APPL1: variants seen among roughly 807,000 people sequenced by gnomAD.
The protein encoded by APPL1 is adaptor protein, phosphotyrosine interacting with PH domain and leucine zipper 1.
In APPL1, 42 loss-of-function variants were observed where a neutral mutation model predicts 106.8. The ratio of observed to expected loss-of-function variants is 0.39; its 90% CI spans 0.31 to 0.51. APPL1 has a LOEUF of 0.51. Ranked by LOEUF, APPL1 falls within the 20% of genes least tolerant of loss-of-function variation. APPL1 has a pLI of 0.75. For synonymous variants in APPL1, 263 were observed against 281.8 expected, an observed-to-expected ratio of 0.93 and a Z score of 0.67; for missense variants, 769 against 858.2, an observed-to-expected ratio of 0.90 and a Z score of 1.30.
chr3:57,264,564 AAAAAAAAAT>A (rs1472944802), intron 19 of APPL1, among the ~76,000 whole-genome samples: 3 of 147,124 alleles, frequency 2.0e-5, no homozygotes, highest in Non-Finnish European at 3.0e-5. Flanking sequence ...AAAAAAATTT[AAAAAAAAAT>A]AAAAAAAATA....
At chr3:57,230,044 C>T (rs2060678900) in intron 1 of APPL1, among the ~76,000 whole-genome samples, 1 of 152,160 alleles carries the variant, frequency 6.6e-6, no homozygotes. Flanking sequence ...GAAGTAGACA[C>T]ATTGATATCC....
intron 1 of APPL1, among the ~76,000 whole-genome samples, chr3:57,232,247 T>G (rs1322433370): frequency 6.6e-6 from 1 of 152,216 alleles, no homozygotes; most frequent in African/African-American, 2.4e-5. Context: ...CCAAATGGGA[T>G]CTTCTGTTTT....
At chr3:57,250,909 G>T (rs1181220214) in intron 11 of APPL1, among the ~76,000 whole-genome samples, 1 of 143,362 alleles carries the variant, frequency 7.0e-6, no homozygotes, top group Non-Finnish European at 1.5e-5. Flanking sequence ...CCGGGTTCAC[G>T]CCATTCTCCT....
chr3:57,253,644 G>C (rs1559511543), intron 12 of APPL1, 38 bp from the exon 13 acceptor site: 6 of 1,376,294 alleles, frequency 4.4e-6, no homozygotes, highest in Non-Finnish European at 4.8e-6. Flanking sequence ...AAGCTTTGTA[G>C]AAAAAAAATT....
intron 13 of APPL1, among the ~76,000 whole-genome samples, chr3:57,254,691 C>T (rs908872526): frequency 1.8e-4 from 27 of 152,202 alleles, no homozygotes; most frequent in South Asian, 6.2e-4. Flanking sequence ...GTGGTGCTAT[C>T]TCAGCCCACT....
At chr3:57,243,720 G>T (rs977424947) in intron 7 of APPL1, among the ~76,000 whole-genome samples, 1 of 152,192 alleles carries the variant, frequency 6.6e-6, no homozygotes, top group African/African-American at 2.4e-5. Context: ...ATGGTGTATT[G>T]ATAAAATGTA....
chr3:57,266,062 A>G (rs904435602), intron 19 of APPL1, among the ~76,000 whole-genome samples: 1 of 152,210 alleles, frequency 6.6e-6, no homozygotes, highest in Non-Finnish European at 1.5e-5. Flanking sequence ...GTCATGATAA[A>G]TGATCTTTTT....
Position 57,248,272 on chromosome 3 carries a change from T to G in APPL1, c.784T>G (p.Tyr262Asp). The G allele has an allele frequency of 6.2e-7, 1 of 1,614,146 alleles. No homozygotes were observed. The highest frequency in any genetic ancestry group is 8.5e-7 in the Non-Finnish European group (1 of 1,180,026). The change falls in exon 10 of 22, where the codon TAT (tyrosine) becomes GAT (aspartate). Residue 262 changes from tyrosine (Y) to aspartate (D), a missense_variant. Tyr to Asp is a radical substitution (Grantham distance 160). Transcript: ENST00000288266. ...TTTGGAAGTAGCCAGTGATCCCTTATATGTGCCTGACCCAGACCCCACCAA... is the reference window on the plus strand; with the variant it reads ...TTTGGAAGTAGCCAGTGATCCCTTAGATGTGCCTGACCCAGACCCCACCAA... The part of the protein sequence containing the change: ...EDLEVASDPL[Y>D]VPDPDPTKFP...
chr3:57,227,740 C>A lies in APPL1; in HGVS notation c.-144C>A, dbSNP rs554193687. ...GGGCGGGATTTCCCGCACGGCCGCT[C>A]GGCGCCTGGAGAAGGCTGTGCGGGC... On this transcript the variant is annotated 5_prime_UTR_variant, in exon 1 of 22. Transcript: ENST00000288266. The A allele has an allele frequency of 1.2e-5, 8 of 649,472 alleles. No homozygotes were observed. Among genetic ancestry groups the A allele is most frequent in the African/African-American group, 9.6e-5 (5 of 51,858 alleles). 40.2% of individuals were successfully genotyped at this position (649,472 alleles called of 1,614,324 possible).
At chr3:57,251,189 ATAT>A (rs1285813212) in intron 11 of APPL1, among the ~76,000 whole-genome samples, 1 of 151,292 alleles carries the variant, frequency 6.6e-6, no homozygotes, top group African/African-American at 2.4e-5. Flanking sequence ...GCGCATTAAG[ATAT>A]TATAAAAATA....
chr3:57,261,606 C>T (rs2060865813), intron 19 of APPL1, among the ~76,000 whole-genome samples: 1 of 152,172 alleles, frequency 6.6e-6, no homozygotes, highest in African/African-American at 2.4e-5. Context: ...GCAACCTCTG[C>T]CTCCTGGGTT....
At position 57,259,090 on chromosome 3, in the gene APPL1, A is replaced by G; in HGVS notation, c.1483+10A>G. The G allele has an allele frequency of 6.2e-7, 1 of 1,606,646 alleles. No individual in the cohort carries two copies. Among genetic ancestry groups the G allele is most frequent in the Non-Finnish European group, 8.5e-7 (1 of 1,175,000 alleles). On this transcript the variant is annotated intron_variant, in intron 16 of 21. Transcript: ENST00000288266. ...AAATCTGAAACTGAAGGTAAGACAG[A>G]TGTGCAGCATTCATATATTTTAGAA...
intron 1 of APPL1, among the ~76,000 whole-genome samples, chr3:57,231,824 AAAG>A (rs900523511): frequency 9.9e-5 from 15 of 151,884 alleles, no homozygotes; most frequent in Non-Finnish European, 1.9e-4. Context: ...AAAAAAAAAA[AAAG>A]AGCCTGGGAG....
chr3:57,264,865 T>A (rs2060886303), intron 19 of APPL1, among the ~76,000 whole-genome samples: 1 of 151,834 alleles, frequency 6.6e-6, no homozygotes, highest in South Asian at 2.1e-4. Context: ...GCATTGTAAT[T>A]TGAAGTCAGG....
At chr3:57,249,148 C>A (rs1450745736) in intron 10 of APPL1, among the ~76,000 whole-genome samples, 3 of 152,108 alleles carry the variant, frequency 2.0e-5, no homozygotes, top group Admixed American at 6.5e-5. Flanking sequence ...TAATTTCCAG[C>A]CTTGTTTTGG....
intron 19 of APPL1, among the ~76,000 whole-genome samples, chr3:57,265,549 T>G (rs1435954509): frequency 6.6e-6 from 1 of 152,238 alleles, no homozygotes; most frequent in Non-Finnish European, 1.5e-5. Flanking sequence ...TATTTCTTTT[T>G]CAGATTGTTC....
rs1378738830 is a variant in APPL1 at position 57,227,907 on chromosome 3, C to T, written c.24C>T (p.Pro8=). The T allele has an allele frequency of 1.1e-5, 16 of 1,470,462 alleles. No individual in the cohort carries two copies. Among genetic ancestry groups the T allele is most frequent in the Non-Finnish European group, 1.4e-5 (16 of 1,108,090 alleles). The allele number at this position is 1,470,462 out of a possible 1,614,324, so 91.1% of individuals were successfully genotyped here. A position where few individuals can be genotyped will look rare whatever the true frequency, so the allele number is the denominator to read the frequency against. Residue 8 remains proline (P), a synonymous_variant, in exon 1 of 22, where the codon CCC becomes CCT. Transcript: ENST00000288266. MPGIDKL[P]IEETLEDSPQ... ...CGATGCCGGGGATCGACAAGCTGCCCATCGAGGAGACGCTGGAGGACAGCC... is the reference window on the plus strand; with the variant it reads ...CGATGCCGGGGATCGACAAGCTGCCTATCGAGGAGACGCTGGAGGACAGCC...
chr3:57,235,770 G>C, intron 2 of APPL1, 106 bp downstream of exon 2: 1 of 686,054 alleles, frequency 1.5e-6, no homozygotes, highest in East Asian at 2.6e-5. Flanking sequence ...CCTGTGTTAG[G>C]CTCATAGTAA....
rs537992680 is a variant in APPL1, at chr3:57,264,673, G to A, written c.1843-3069G>A. ...CTACATATGGATATCCAGTTTTCCC[G>A]GCACCATTTATTGAAGGGACTGTCT... On this transcript the variant is annotated intron_variant, in intron 19 of 21. Coordinates refer to ENST00000288266, the MANE Select transcript of APPL1 (RefSeq NM_012096.3). Among the ~76,000 whole-genome samples, 140 of 151,704 alleles carry A rather than the reference G, an allele frequency of 9.2e-4. 2 individuals carry two copies. The highest frequency in any genetic ancestry group is 3.1e-3 in the African/African-American group (129 of 41,436).
Sources: allele counts gnomAD v4.1 joint callset (sites outside exome capture counted in the v4.1 genomes callset), GRCh38; gene constraint gnomAD v4.1.1; transcripts MANE v1.5; gene names NCBI Gene and HGNC (gene_info 2026-07-23, HGNC 2026-07-21).